GLT1D1: variants seen among roughly 807,000 people sequenced by gnomAD.
GLT1D1 encodes glycosyltransferase 1 domain-containing protein 1.
A neutral mutation model predicts 28.7 loss-of-function variants in GLT1D1; 21 were observed. The ratio of observed to expected loss-of-function variants is 0.73; its 90% CI spans 0.52 to 1.05. The LOEUF (loss-of-function observed/expected upper bound fraction) is 1.05, where lower values mean the gene tolerates loss of function less well. Among genes scored for constraint, GLT1D1 ranks in the 50% least tolerant of loss-of-function variants. GLT1D1 has a pLI of 0.00. For missense variants in GLT1D1, 343 were observed against 330.6 expected (o/e 1.04, Z -0.29); for synonymous variants, 147 against 124.8 (o/e 1.18, Z -1.19).
At chr12:128,919,155 T>G (rs1176725307) in intron 4 of GLT1D1, among the ~76,000 whole-genome samples, 1 of 152,174 alleles carries the variant, frequency 6.6e-6, no homozygotes, top group East Asian at 1.9e-4. Context: ...GCTCTGGGGA[T>G]GGGCCGTCCT....
intron 4 of GLT1D1, among the ~76,000 whole-genome samples, chr12:128,908,575 A>C (rs1269145759): frequency 6.8e-6 from 1 of 148,032 alleles, no homozygotes; most frequent in Non-Finnish European, 1.5e-5. Context: ...CCCAAGGCGG[A>C]AGACTGGCAG....
intron 1 of GLT1D1, 33 bp downstream of exon 1, chr12:128,853,682 G>A: frequency 9.4e-7 from 1 of 1,061,670 alleles, no homozygotes; most frequent in East Asian, 6.5e-5. Context: ...TACGAAGCCT[G>A]GGCCGGGGGC....
At chr12:128,958,617 G>A (rs1338651710) in intron 7 of GLT1D1, among the ~76,000 whole-genome samples, 2 of 146,172 alleles carry the variant, frequency 1.4e-5, no homozygotes, top group South Asian at 2.2e-4. Flanking sequence ...GCTGGGAATG[G>A]TGCATGCCTG....
At chr12:128,888,280 C>T (rs1868623107) in intron 2 of GLT1D1, among the ~76,000 whole-genome samples, 1 of 152,112 alleles carries the variant, frequency 6.6e-6, no homozygotes, top group African/African-American at 2.4e-5. Flanking sequence ...GTTTGGAGAG[C>T]CCTTTTTTTG....
chr12:128,962,092 C>G (rs1274335070), intron 7 of GLT1D1, among the ~76,000 whole-genome samples: 1 of 152,008 alleles, frequency 6.6e-6, no homozygotes, highest in Non-Finnish European at 1.5e-5. Context: ...CCCTCCACCT[C>G]CCGCCACTTG....
At chr12:128,972,826 G>A (rs1020553057) in intron 7 of GLT1D1, among the ~76,000 whole-genome samples, 2 of 152,178 alleles carry the variant, frequency 1.3e-5, no homozygotes, top group Non-Finnish European at 2.9e-5. Flanking sequence ...CATGTATGGT[G>A]TATCACTTAG....
At chr12:128,939,840 C>T (rs76403133) in intron 4 of GLT1D1, among the ~76,000 whole-genome samples, 1 of 142,538 alleles carries the variant, frequency 7.0e-6, no homozygotes, top group Non-Finnish European at 1.5e-5. Flanking sequence ...GTTAGAAACC[C>T]CCCCCCACCG....
chr12:128,950,763 A>G (rs1407447509), intron 6 of GLT1D1, among the ~76,000 whole-genome samples: 2 of 152,220 alleles, frequency 1.3e-5, no homozygotes, highest in South Asian at 2.1e-4. Context: ...TTTTACAAAG[A>G]GTCTCAAATG....
intron 2 of GLT1D1, among the ~76,000 whole-genome samples, chr12:128,881,571 T>A (rs1415360418): frequency 3.0e-3 from 272 of 90,206 alleles, no homozygotes; most frequent in African/African-American, 7.7e-3. Context: ...AATATATATA[T>A]ATATATATAT....
chr12:128,889,648 C>T (rs948693358), intron 3 of GLT1D1, among the ~76,000 whole-genome samples: 1 of 152,212 alleles, frequency 6.6e-6, no homozygotes, highest in Non-Finnish European at 1.5e-5. Context: ...GGAGGTTCAT[C>T]GGAGGCTGTT....
At chr12:128,942,756 G>GT (rs61514615) in intron 4 of GLT1D1, among the ~76,000 whole-genome samples, 12 of 124,924 alleles carry the variant, frequency 9.6e-5, no homozygotes, top group African/African-American at 3.1e-4. Context: ...TTTGTTTTTT[G>GT]TTTTTTTTTT....
At chr12:128,880,364 G>T (rs1957004689) in intron 2 of GLT1D1, among the ~76,000 whole-genome samples, 1 of 152,190 alleles carries the variant, frequency 6.6e-6, no homozygotes, top group South Asian at 2.1e-4. Context: ...TAAATATCGA[G>T]AACTGAAGCC....
intron 7 of GLT1D1, among the ~76,000 whole-genome samples, chr12:128,977,022 T>C (rs470782): frequency 0.65 from 99,139 of 152,100 alleles, 32,652 homozygotes; most frequent in African/African-American, 0.73. Flanking sequence ...GGCACAAGCC[T>C]GTAATCCCAG....
In GLT1D1 at chr12:128,983,596, G is replaced by C. The variant is rs1880536049; in HGVS notation, c.*506G>C. The stretch of plus-strand genomic sequence containing the variant: ...TCTGACAGGCACGTGGGTGACCCGA[G>C]GCTTCTCTGAACACTAGAAAGCGCT... On this transcript the variant is annotated 3_prime_UTR_variant, in exon 8 of 8. Transcript: ENST00000281703. This position sits in a 1 kb window ranked among gnomAD's most constrained non-coding sequence, Gnocchi z 4.7. 6.5e-6 allele frequency: 1 copy of C among 154,772 alleles called. No individual in the cohort carries two copies. Among genetic ancestry groups the C allele is most frequent in the Non-Finnish European group, 1.4e-5 (1 of 69,596 alleles). 9.6% of individuals were successfully genotyped at this position (154,772 alleles called of 1,614,324 possible). A position where few individuals can be genotyped will look rare whatever the true frequency, so the allele number is the denominator to read the frequency against.
rs377417991 is a variant in GLT1D1 at position 128,957,663 on chromosome 12, C to G, written c.639+20C>G. 6.5e-6 allele frequency: 9 copies of G among 1,392,154 alleles called. No homozygotes were observed. In the Admixed American group the frequency reaches 1.5e-4, roughly 23 times the overall value. The allele number at this position is 1,392,154 out of a possible 1,614,324, so 86.2% of individuals were successfully genotyped here. A position where few individuals can be genotyped will look rare whatever the true frequency, so the allele number is the denominator to read the frequency against. ...CCTCAGGTAAAGAAAAGTTCTTTCC[C>G]TCCATTCACTCACCTTATCTGAATA... On this transcript the variant is annotated intron_variant, in intron 7 of 7. Transcript: ENST00000281703.
chr12:128,936,549 T>C (rs1188572692), intron 4 of GLT1D1, among the ~76,000 whole-genome samples: 1 of 152,234 alleles, frequency 6.6e-6, no homozygotes, highest in Non-Finnish European at 1.5e-5. Context: ...TTTGGTTTTC[T>C]ATTAAAGCTT....
At chr12:128,906,765 TG>T in intron 4 of GLT1D1, 1 of 487,148 alleles carries the variant, frequency 2.1e-6, no homozygotes, top group Non-Finnish European at 3.6e-6. Flanking sequence ...CACCCCCTTC[TG>T]GGGCCTAATT....
At chr12:128,925,719 C>A (rs915694604) in intron 4 of GLT1D1, among the ~76,000 whole-genome samples, 3 of 152,300 alleles carry the variant, frequency 2.0e-5, no homozygotes, top group Non-Finnish European at 4.4e-5. Flanking sequence ...TTCTTCCTAT[C>A]TAGAATTGCA....
At chr12:128,928,932 GT>G (rs751056242) in intron 4 of GLT1D1, among the ~76,000 whole-genome samples, 1 of 152,072 alleles carries the variant, frequency 6.6e-6, no homozygotes, top group Non-Finnish European at 1.5e-5. Flanking sequence ...TCTTTGTGGG[GT>G]TTTTGTTCCA....
Sources: allele counts gnomAD v4.1 joint callset (sites outside exome capture counted in the v4.1 genomes callset), GRCh38; gene constraint gnomAD v4.1.1; non-coding constraint Gnocchi (gnomAD v3.1); transcripts MANE v1.5; gene names NCBI Gene and HGNC (gene_info 2026-07-23, HGNC 2026-07-21).